SND1: variants seen among roughly 807,000 people sequenced by gnomAD.
SND1 encodes the protein staphylococcal nuclease domain-containing protein 1.
A neutral mutation model predicts 121.7 loss-of-function variants in SND1; 38 were observed. The observed-to-expected ratio is 0.31, with a 90% CI of 0.24 to 0.41. The LOEUF (loss-of-function observed/expected upper bound fraction) is 0.41, where lower values mean the gene tolerates loss of function less well. Ranked by LOEUF, SND1 falls within the 10% of genes least tolerant of loss-of-function variation. SND1 has a pLI of 1.00. For missense variants in SND1, 868 were observed against 1,184.6 expected, an observed-to-expected ratio of 0.73 and a Z score of 3.92; for synonymous variants, 401 against 447.4, an observed-to-expected ratio of 0.90 and a Z score of 1.31.
At chr7:128,051,463 C>A (rs1793044959) in intron 16 of SND1, among the ~76,000 whole-genome samples, 1 of 151,214 alleles carries the variant, frequency 6.6e-6, no homozygotes. Flanking sequence ...GAAAATTACC[C>A]CACAGGGTTT....
At chr7:127,738,805 G>A (rs954683696) in intron 10 of SND1, among the ~76,000 whole-genome samples, 26 of 152,074 alleles carry the variant, frequency 1.7e-4, no homozygotes, top group African/African-American at 5.8e-4. Flanking sequence ...CCAGTTTCTG[G>A]CTTGCTTTAG....
At chr7:127,824,780 G>A (rs954081979) in intron 11 of SND1, among the ~76,000 whole-genome samples, 3 of 151,534 alleles carry the variant, frequency 2.0e-5, no homozygotes, top group Non-Finnish European at 4.4e-5. Flanking sequence ...TAACCATTTT[G>A]CTGTTGTTTA....
intron 10 of SND1, among the ~76,000 whole-genome samples, chr7:127,751,682 C>T (rs1323575550): frequency 6.6e-6 from 1 of 152,206 alleles, no homozygotes; most frequent in African/African-American, 2.4e-5. Context: ...TCGTAGCAAC[C>T]TCGCTGTTCC....
chr7:127,687,470 CCTT>C (rs1423567001), intron 2 of SND1, among the ~76,000 whole-genome samples: 1 of 152,140 alleles, frequency 6.6e-6, no homozygotes, highest in Non-Finnish European at 1.5e-5. Context: ...CCCCCTCACT[CCTT>C]CTCCCCTTTT....
intron 1 of SND1, among the ~76,000 whole-genome samples, chr7:127,662,915 CAG>C (rs1400328456): frequency 1.6e-5 from 2 of 128,310 alleles, no homozygotes; most frequent in African/African-American, 3.0e-5. Flanking sequence ...TTTTTTGAGA[CAG>C]AATCTCTCTG....
At chr7:127,839,403 T>G (rs1198585774) in intron 11 of SND1, among the ~76,000 whole-genome samples, 1 of 152,198 alleles carries the variant, frequency 6.6e-6, no homozygotes, top group African/African-American at 2.4e-5. Context: ...AAGCTCAGGC[T>G]ACAACCTGGA....
intron 12 of SND1, among the ~76,000 whole-genome samples, chr7:127,865,775 A>AT (rs1799460083): frequency 6.7e-6 from 1 of 148,756 alleles, no homozygotes. Flanking sequence ...CAGCTAATTT[A>AT]TTTATCTTTT....
intron 18 of SND1, chr7:128,081,903 G>A (rs768683303): frequency 1.9e-5 from 10 of 537,056 alleles, no homozygotes; most frequent in Non-Finnish European, 1.5e-5. Flanking sequence ...TGCTCAGCCC[G>A]TTTCCCTCTG....
At position 127,736,337 on chromosome 7, in the gene SND1, A is replaced by G. The variant is rs143863042; in HGVS notation, c.1152+14937A>G. ...TTAATAATCGCAAGGCCTTCTCACT[A>G]GCTTCTCTGTTCATGTTTTATAACT... On this transcript the variant is annotated intron_variant, in intron 10 of 23. Coordinates refer to ENST00000354725, the MANE Select transcript of SND1 (RefSeq NM_014390.4). Among the ~76,000 whole-genome samples the G allele has an allele frequency of 4.3e-3, 660 of 152,334 alleles. 6 individuals carry two copies. Among genetic ancestry groups the G allele is most frequent in the African/African-American group, 0.015 (639 of 41,568 alleles).
chr7:127,940,401 C>A (rs1801168159), intron 15 of SND1, among the ~76,000 whole-genome samples: 1 of 152,142 alleles, frequency 6.6e-6, no homozygotes, highest in African/African-American at 2.4e-5. Flanking sequence ...AGAACTCCAG[C>A]CCTGTGGGGG....
chr7:127,938,402 G>A (rs1801110907), intron 15 of SND1, among the ~76,000 whole-genome samples: 1 of 152,128 alleles, frequency 6.6e-6, no homozygotes, highest in African/African-American at 2.4e-5. Context: ...TATGTAGATG[G>A]CCATACAAAT....
intron 18 of SND1, 31 bp from the exon 19 acceptor site, chr7:128,084,693 C>CA: frequency 6.3e-7 from 1 of 1,588,716 alleles, no homozygotes; most frequent in Non-Finnish European, 8.6e-7. Context: ...ACCCAGCACC[C>CA]AGGTCTCACT....
intron 11 of SND1, among the ~76,000 whole-genome samples, chr7:127,834,883 G>T (rs964842976): frequency 1.3e-5 from 2 of 152,062 alleles, no homozygotes; most frequent in Non-Finnish European, 2.9e-5. Context: ...GTGACTTCTT[G>T]ATGCCAGCTC....
intron 1 of SND1, among the ~76,000 whole-genome samples, chr7:127,667,853 T>C (rs1025725429): frequency 5.9e-5 from 8 of 135,434 alleles, no homozygotes; most frequent in African/African-American, 2.0e-4. Context: ...AATAGGTCTT[T>C]ATGTCAAAAT....
At position 128,021,535 on chromosome 7, in the gene SND1, G is replaced by A. The variant is rs3808059; in HGVS notation, c.1779+30479G>A. ...CTTGAAGACTGGGAAGAAGTAGCCC[G>A]AGGCAAGGAAACCAAACTTTGCACA... On this transcript the variant is annotated intron_variant, in intron 16 of 23. Coordinates refer to ENST00000354725, the MANE Select transcript of SND1 (RefSeq NM_014390.4). Among the ~76,000 whole-genome samples, 191 of 152,308 alleles carry A rather than the reference G, an allele frequency of 1.3e-3. 4 individuals are homozygous for A. In the East Asian group the frequency reaches 0.029, roughly 23 times the overall value.
chr7:127,802,950 A>T lies in SND1; in HGVS notation c.1153-4534A>T, dbSNP rs181626660. On this transcript the variant is annotated intron_variant, in intron 10 of 23. Transcript: ENST00000354725. ...GTTCTGACCACTTCTTGCCTTCCTC[A>T]CTGCCGCTGCCTTGATGTAATCTCT... Among the ~76,000 whole-genome samples the T allele has an allele frequency of 4.6e-5, 7 of 152,152 alleles. No individual in the cohort carries two copies. In the South Asian group the frequency reaches 1.0e-3, roughly 23 times the overall value.
chr7:127,750,005 T>C (rs1797057211), intron 10 of SND1, among the ~76,000 whole-genome samples: 1 of 151,992 alleles, frequency 6.6e-6, no homozygotes, highest in Admixed American at 6.6e-5. Flanking sequence ...AAGCCTGAGG[T>C]GGGAGGGTCA....
intron 12 of SND1, among the ~76,000 whole-genome samples, chr7:127,872,136 GAA>G (rs1439959587): frequency 6.6e-6 from 1 of 152,108 alleles, no homozygotes; most frequent in Non-Finnish European, 1.5e-5. Context: ...GTCTCAAAAA[GAA>G]AACTCATTAT....
intron 4 of SND1, 24 bp downstream of exon 4, chr7:127,698,977 C>G: frequency 6.3e-7 from 1 of 1,590,904 alleles, no homozygotes; most frequent in Non-Finnish European, 8.6e-7. Context: ...ACTCCGCTGT[C>G]TCTCTGACAG....
Sources: allele counts gnomAD v4.1 joint callset (sites outside exome capture counted in the v4.1 genomes callset), GRCh38; gene constraint gnomAD v4.1.1; transcripts MANE v1.5; gene names NCBI Gene and HGNC (gene_info 2026-07-23, HGNC 2026-07-21).